The following PHTF2 variants were observed in gnomAD, a reference collection of about 807,000 sequenced individuals.
The protein encoded by PHTF2 is putative homeodomain transcription factor 2.
Under a neutral mutation model 101.2 loss-of-function variants are expected in PHTF2, and 60 were observed. The observed-to-expected ratio is 0.59, with a 90% confidence interval of 0.48 to 0.73. The LOEUF (loss-of-function observed/expected upper bound fraction) is 0.73. Among genes scored for constraint, PHTF2 ranks in the 30% least tolerant of loss-of-function variants. The probability of loss-of-function intolerance (pLI) is 0.00; values close to 1 mark genes in which losing one functional copy is unlikely to be tolerated. For missense variants in PHTF2, 747 were observed against 908.7 expected (o/e 0.82, Z 2.29); for synonymous variants, 311 against 307.3 (o/e 1.01, Z -0.13).
At chr7:77,891,799 T>G (rs1383647744) in intron 3 of PHTF2, among the ~76,000 whole-genome samples, 3 of 152,022 alleles carry the variant, frequency 2.0e-5, no homozygotes, top group African/African-American at 7.2e-5. Context: ...TTGCCAAGAT[T>G]GGTACCAAAC....
chr7:77,840,032 T>C (rs988503272), intron 1 of PHTF2, 189 bp from the exon 2 acceptor site: 1 of 384,184 alleles, frequency 2.6e-6, no homozygotes, highest in Non-Finnish European at 4.7e-6. Context: ...CTTTCTATTA[T>C]TGTGGCAACT....
Position 77,954,767 on chromosome 7 carries a change from G to A in PHTF2, c.2338-91G>A, listed in dbSNP as rs1014010867. The A allele has an allele frequency of 2.0e-5, 14 of 708,084 alleles. No individual in the cohort carries two copies. In the African/African-American group the frequency reaches 2.2e-4, roughly 11 times the overall value. 43.9% of individuals were successfully genotyped at this position (708,084 alleles called of 1,614,324 possible). ...TTAGAAACTGCACTTGTTTGTGAATGAAATTTGAATTTAAAAATGGTGTTA... is the reference window on the plus strand; with the variant it reads ...TTAGAAACTGCACTTGTTTGTGAATAAAATTTGAATTTAAAAATGGTGTTA... On this transcript the variant is annotated intron_variant, in intron 19 of 19. Transcript: ENST00000416283.
chr7:77,920,705 G>A (rs569011765), intron 10 of PHTF2, among the ~76,000 whole-genome samples: 125 of 152,116 alleles, frequency 8.2e-4, no homozygotes, highest in African/African-American at 2.8e-3. Flanking sequence ...TTTTTGAGAC[G>A]GGGTCTTACT....
chr7:77,903,422 T>C (rs765840031), intron 7 of PHTF2, among the ~76,000 whole-genome samples: 14 of 152,242 alleles, frequency 9.2e-5, no homozygotes, highest in Admixed American at 3.9e-4. Flanking sequence ...TTCAGTACCA[T>C]TGATTGTACA....
chr7:77,938,311 A>G (rs1805332535), intron 13 of PHTF2, among the ~76,000 whole-genome samples: 2 of 152,232 alleles, frequency 1.3e-5, no homozygotes, highest in African/African-American at 4.8e-5. Flanking sequence ...TTACCTACTT[A>G]AATATATAGA....
At chr7:77,811,058 T>G (rs1264980596) in intron 1 of PHTF2, among the ~76,000 whole-genome samples, 1 of 151,858 alleles carries the variant, frequency 6.6e-6, no homozygotes, top group Non-Finnish European at 1.5e-5. Context: ...CCCACCACCA[T>G]GCCCAGCTAA....
At chr7:77,940,267 T>G in exon 14 of PHTF2, 15 of 1,613,572 alleles carry the variant, frequency 9.3e-6, no homozygotes, top group Non-Finnish European at 1.3e-5. Flanking sequence ...GATTTTCTTT[T>G]TTTTGCTCTG....
chr7:77,808,483 T>C (rs924112819), intron 1 of PHTF2, among the ~76,000 whole-genome samples: 2 of 152,236 alleles, frequency 1.3e-5, no homozygotes, highest in Non-Finnish European at 2.9e-5. Flanking sequence ...TAATTTTTGT[T>C]TGAATGCCAG....
intron 2 of PHTF2, among the ~76,000 whole-genome samples, chr7:77,850,655 A>C (rs1187396930): frequency 6.6e-6 from 1 of 151,652 alleles, no homozygotes; most frequent in East Asian, 1.9e-4. Flanking sequence ...AAAAAAAAAA[A>C]AAAAAGAAAA....
At chr7:77,837,964 C>A (rs1289040385) in intron 1 of PHTF2, among the ~76,000 whole-genome samples, 1 of 151,950 alleles carries the variant, frequency 6.6e-6, no homozygotes, top group African/African-American at 2.4e-5. Context: ...GTTAGATAAT[C>A]TGGAATATTT....
chr7:77,930,128 GTTA>G (rs1804432735), intron 12 of PHTF2, among the ~76,000 whole-genome samples: 1 of 151,598 alleles, frequency 6.6e-6, no homozygotes, highest in South Asian at 2.1e-4. Flanking sequence ...TAATTTTTAT[GTTA>G]TTAGTAGAGA....
At chr7:77,882,917 C>T (rs1457606205) in intron 3 of PHTF2, among the ~76,000 whole-genome samples, 1 of 152,024 alleles carries the variant, frequency 6.6e-6, no homozygotes, top group Non-Finnish European at 1.5e-5. Context: ...ATACAAACTT[C>T]TTTAGAGGTG....
intron 1 of PHTF2, among the ~76,000 whole-genome samples, chr7:77,811,487 A>G (rs1793437460): frequency 6.6e-6 from 1 of 152,236 alleles, no homozygotes. Flanking sequence ...GTGTGAATCC[A>G]TTATTAAGAT....
At chr7:77,874,278 C>T (rs1290900423) in intron 3 of PHTF2, among the ~76,000 whole-genome samples, 4 of 152,162 alleles carry the variant, frequency 2.6e-5, no homozygotes, top group Non-Finnish European at 5.9e-5. Flanking sequence ...AAGCAGCCAA[C>T]TCCAGAAACC....
At chr7:77,854,704 G>T (rs1325183555) in intron 2 of PHTF2, 1 of 702,776 alleles carries the variant, frequency 1.4e-6, no homozygotes, top group Non-Finnish European at 2.6e-6. Context: ...AAAGTTTTTT[G>T]CACTCTTCTT....
chr7:77,840,278 C>G, exon 2 of PHTF2: 2 of 1,609,094 alleles, frequency 1.2e-6, no homozygotes, highest in Non-Finnish European at 1.7e-6. Context: ...GTCACAGATG[C>G]TATAGTCTGG....
At chr7:77,937,948 C>A (rs34381093) in intron 13 of PHTF2, 110 bp downstream of exon 12, 2 of 454,676 alleles carry the variant, frequency 4.4e-6, no homozygotes, top group South Asian at 9.0e-5. Flanking sequence ...TTTCTTCACC[C>A]TGAAAAAAAA....
chr7:77,891,055 A>G lies in PHTF2; in HGVS notation c.148-2553A>G, dbSNP rs901048357. ...CCTGAGTAGCTGGGACTACAAGGGC[A>G]CACTACCATGCCCAGCTAATTTATT... On this transcript the variant is annotated intron_variant, in intron 3 of 19. Transcript: ENST00000416283. Among the ~76,000 whole-genome samples, 19 of 151,398 alleles carry G rather than the reference A, an allele frequency of 1.3e-4. 2 individuals carry two copies. The South Asian group carries it at 1.9e-3, about 15-fold the overall frequency.
intron 11 of PHTF2, among the ~76,000 whole-genome samples, chr7:77,927,478 C>T (rs777717603): frequency 1.3e-4 from 20 of 151,910 alleles, no homozygotes; most frequent in Non-Finnish European, 2.5e-4. Flanking sequence ...TGTCTGTAAC[C>T]CCAGCTACTC....
Sources: gnomAD v4.1 joint callset for allele counts (sites outside exome capture counted in the v4.1 genomes callset) on GRCh38, gnomAD v4.1.1 for gene constraint, MANE v1.5 for transcripts, NCBI Gene and HGNC (gene_info 2026-07-23, HGNC 2026-07-21) for gene names.